The following DLG1 variants were observed in gnomAD, a reference collection of about 807,000 sequenced individuals.
DLG1 encodes disks large homolog 1.
Under a neutral mutation model 123.4 loss-of-function variants are expected in DLG1, and 42 were observed. The ratio of observed to expected loss-of-function variants is 0.34; its 90% CI spans 0.27 to 0.44. The LOEUF (loss-of-function observed/expected upper bound fraction) is 0.44. Among genes scored for constraint, DLG1 ranks in the 20% least tolerant of loss-of-function variants. The pLI, the probability that DLG1 is intolerant of heterozygous loss-of-function variation, is 1.00. For missense variants in DLG1, 942 were observed against 1,082.6 expected, an observed-to-expected ratio of 0.87 and a Z score of 1.82; for synonymous variants, 317 against 356.2, an observed-to-expected ratio of 0.89 and a Z score of 1.24.
At chr3:197,286,880 A>T (rs192950094) in intron 3 of DLG1, among the ~76,000 whole-genome samples, 10 of 148,516 alleles carry the variant, frequency 6.7e-5, no homozygotes, top group African/African-American at 9.9e-5. Context: ...TACAAGAGCC[A>T]CCTGAGCTCA....
intron 5 of DLG1, among the ~76,000 whole-genome samples, chr3:197,180,639 G>A (rs1052957447): frequency 6.6e-6 from 1 of 152,160 alleles, no homozygotes; most frequent in Admixed American, 6.5e-5. Flanking sequence ...GAGAGACAGT[G>A]TGTAAGCTAT....
intron 3 of DLG1, among the ~76,000 whole-genome samples, chr3:197,283,231 A>C (rs1046380063): frequency 2.0e-5 from 3 of 152,198 alleles, no homozygotes; most frequent in African/African-American, 7.2e-5. Context: ...ATAGGCTCCT[A>C]ACAGATGGTA....
At chr3:197,217,942 T>G (rs1561510824) in intron 4 of DLG1, among the ~76,000 whole-genome samples, 1 of 152,240 alleles carries the variant, frequency 6.6e-6, no homozygotes, top group South Asian at 2.1e-4. Flanking sequence ...TTATTATATG[T>G]GAATTATATC....
chr3:197,130,569 T>C lies in DLG1; in HGVS notation c.1123A>G (p.Met375Val). 6.2e-7 allele frequency: 1 copy of C among 1,612,986 alleles called. No homozygotes were observed. The highest frequency in any genetic ancestry group is 8.5e-7 in the Non-Finnish European group (1 of 1,179,660). ...VYLKVAKPTS[M>V]YMNDGYAPPD... ...GGTGCATAGCCATCATTCATATACA[T>C]ACTTGTGGGTTTTGCCACTTTCAAA... is the stretch of plus-strand genomic sequence containing the variant. Residue 375 changes from methionine (M) to valine (V), a missense_variant, in exon 11 of 25, where the codon ATG becomes GTG. By Grantham distance (21) the Met-to-Val change is conservative (BLOSUM62 1). Transcript: ENST00000667157.
At chr3:197,267,727 G>T (rs1026639031) in intron 4 of DLG1, among the ~76,000 whole-genome samples, 2 of 152,096 alleles carry the variant, frequency 1.3e-5, no homozygotes, top group Non-Finnish European at 2.9e-5. Flanking sequence ...GCATAATGCT[G>T]AAGTCTTTTT....
chr3:197,220,888 C>T (rs1438736615), intron 4 of DLG1, among the ~76,000 whole-genome samples: 8 of 152,136 alleles, frequency 5.3e-5, no homozygotes, highest in Non-Finnish European at 1.2e-4. Flanking sequence ...AAGGAAGATA[C>T]TAGAGGAGGG....
In DLG1 at chr3:197,169,684, T is replaced by C. The variant is rs368329259; in HGVS notation, c.484-19888A>G. Among the ~76,000 whole-genome samples, 39 of 152,328 alleles carry C rather than the reference T, an allele frequency of 2.6e-4. No homozygotes were observed. In the South Asian group the frequency reaches 7.5e-3, roughly 29 times the overall value. On this transcript the variant is annotated intron_variant, in intron 5 of 24. Transcript: ENST00000667157. Reference sequence around the variant, plus strand: ...ATCTGATAGCTAATAATGCTTATATTTTACATTAACACGTTATATGAAGGG... The same window carrying C: ...ATCTGATAGCTAATAATGCTTATATCTTACATTAACACGTTATATGAAGGG...
chr3:197,203,939 C>T (rs928343356), intron 4 of DLG1, among the ~76,000 whole-genome samples: 1 of 152,124 alleles, frequency 6.6e-6, no homozygotes, highest in South Asian at 2.1e-4. Flanking sequence ...TGAAATCTAT[C>T]CTATGCAAAG....
At chr3:197,151,914 A>T (rs1478893654) in intron 5 of DLG1, among the ~76,000 whole-genome samples, 2 of 152,134 alleles carry the variant, frequency 1.3e-5, no homozygotes, top group Admixed American at 1.3e-4. Context: ...GGGTCAAATT[A>T]TTTAGGGGCT....
chr3:197,083,754 T>G (rs1468055260), intron 16 of DLG1, among the ~76,000 whole-genome samples: 1 of 152,054 alleles, frequency 6.6e-6, no homozygotes, highest in East Asian at 1.9e-4. Flanking sequence ...AGCCAAGAGT[T>G]TAAGACTTGC....
chr3:197,254,755 T>C lies in DLG1; in HGVS notation c.318+27924A>G, dbSNP rs137902090. On this transcript the variant is annotated intron_variant, in intron 4 of 24. Coordinates refer to ENST00000667157, the MANE Select transcript of DLG1 (RefSeq NM_001366207.1). ...ATACAATAAATGAAATTAAGAAATC[T>C]ATGACCTATTCAAAGGCTGAGCGTG... Among the ~76,000 whole-genome samples, 454 of 152,216 alleles carry C rather than the reference T, an allele frequency of 3.0e-3. 2 individuals are homozygous for C. Among genetic ancestry groups the C allele is most frequent in the African/African-American group, 9.5e-3 (395 of 41,518 alleles).
chr3:197,250,710 C>T (rs1048876651), intron 4 of DLG1, among the ~76,000 whole-genome samples: 1 of 151,782 alleles, frequency 6.6e-6, no homozygotes, highest in Non-Finnish European at 1.5e-5. Flanking sequence ...CTATAAAACA[C>T]TAACTAAAGA....
chr3:197,084,789 T>C (rs1023022212), intron 16 of DLG1, among the ~76,000 whole-genome samples: 6 of 151,466 alleles, frequency 4.0e-5, no homozygotes, highest in Non-Finnish European at 8.8e-5. Flanking sequence ...TAGATATAGA[T>C]ATAGATATAG....
chr3:197,150,019 C>T (rs1382854105), intron 5 of DLG1, among the ~76,000 whole-genome samples: 1 of 152,094 alleles, frequency 6.6e-6, no homozygotes, highest in African/African-American at 2.4e-5. Flanking sequence ...GCTATTTCTG[C>T]TAAAGCAGCC....
chr3:197,080,741 C>A (rs755897998), intron 17 of DLG1: 2 of 195,570 alleles, frequency 1.0e-5, no homozygotes, highest in East Asian at 1.5e-4. Flanking sequence ...GGATTACAGG[C>A]GTGAGCCACC....
chr3:197,120,273 G>GA lies in DLG1; in HGVS notation c.1166-744dup, dbSNP rs3050713. On this transcript the variant is annotated intron_variant, in intron 11 of 24. Coordinates refer to ENST00000667157, the MANE Select transcript of DLG1 (RefSeq NM_001366207.1). ...GAGTGAGATGCCCTGTCTCGAGAAA[G>GA]AAAAAAAAAAAAAAAAAAGCAAAAA... Among the ~76,000 whole-genome samples, 83 of 127,590 alleles carry GA rather than the reference G, an allele frequency of 6.5e-4. 1 individual carries two copies. The highest frequency in any genetic ancestry group is 9.5e-4 in the South Asian group (4 of 4,194). The allele number at this position is 127,590 out of a possible 152,430, so 83.7% of individuals were successfully genotyped here. A position where few individuals can be genotyped will look rare whatever the true frequency, so the allele number is the denominator to read the frequency against.
chr3:197,183,820 T>G, intron 5 of DLG1: 1 of 1,544,848 alleles, frequency 6.5e-7, no homozygotes, highest in Non-Finnish European at 8.8e-7. Flanking sequence ...TCTGCAGCCC[T>G]GCAGGTGGTT....
chr3:197,108,474 T>C (rs1767850926), intron 13 of DLG1, among the ~76,000 whole-genome samples: 1 of 152,190 alleles, frequency 6.6e-6, no homozygotes, highest in African/African-American at 2.4e-5. Flanking sequence ...AATTTCCTTG[T>C]TTTAAATCTA....
At chr3:197,095,321 G>C (rs189614683) in intron 14 of DLG1, among the ~76,000 whole-genome samples, 9 of 151,972 alleles carry the variant, frequency 5.9e-5, no homozygotes, top group African/African-American at 2.2e-4. Flanking sequence ...AGAGTCACCA[G>C]TAATGTTCTT....
Sources: allele counts gnomAD v4.1 joint callset (sites outside exome capture counted in the v4.1 genomes callset), GRCh38; gene constraint gnomAD v4.1.1; transcripts MANE v1.5; gene names NCBI Gene and HGNC (gene_info 2026-07-23, HGNC 2026-07-21).